The following PTPRD variants were observed in gnomAD, a reference collection of about 807,000 sequenced individuals.
PTPRD encodes the protein receptor-type tyrosine-protein phosphatase delta.
In PTPRD, 34 loss-of-function variants were observed where a neutral mutation model predicts 214.5. The observed-to-expected ratio is 0.16, with a 90% CI of 0.12 to 0.21. The LOEUF is 0.21. PTPRD is among the 10% of genes least tolerant of loss of function. The pLI is 1.00. For synonymous variants in PTPRD, 1,128 were observed against 845.7 expected (o/e 1.33, Z -5.79); for missense variants, 2,545 against 2,398.7 (o/e 1.06, Z -1.27).
intron 5 of PTPRD, among the ~76,000 whole-genome samples, chr9:9,911,057 A>T (rs1478849821): frequency 6.6e-6 from 1 of 151,838 alleles, no homozygotes; most frequent in Non-Finnish European, 1.5e-5. Flanking sequence ...TTGTTCTTCC[A>T]TTTCCAGTCT....
chr9:9,821,648 C>T (rs868162568), intron 5 of PTPRD, among the ~76,000 whole-genome samples: 12 of 151,972 alleles, frequency 7.9e-5, no homozygotes, highest in Non-Finnish European at 1.0e-4. Flanking sequence ...ATTGTTGCCA[C>T]ACGTATTTTT....
intron 12 of PTPRD, among the ~76,000 whole-genome samples, chr9:8,659,529 A>T (rs946448063): frequency 6.6e-6 from 1 of 152,236 alleles, no homozygotes; most frequent in Non-Finnish European, 1.5e-5. Context: ...TATATCTTTG[A>T]AGGTTTCTAT....
At chr9:9,235,115 G>A (rs142477031) in intron 9 of PTPRD, among the ~76,000 whole-genome samples, 26 of 152,268 alleles carry the variant, frequency 1.7e-4, no homozygotes, top group African/African-American at 6.3e-4. Context: ...AATCATGGCA[G>A]AAGTCACCAC....
At chr9:9,194,846 G>A (rs1345003055) in intron 9 of PTPRD, among the ~76,000 whole-genome samples, 3 of 151,984 alleles carry the variant, frequency 2.0e-5, no homozygotes, top group African/African-American at 7.2e-5. Context: ...GAGCATCAAT[G>A]CAGTTGGGTT....
At chr9:9,204,707 T>A (rs564952499) in intron 9 of PTPRD, among the ~76,000 whole-genome samples, 22 of 152,278 alleles carry the variant, frequency 1.4e-4, no homozygotes, top group Admixed American at 5.2e-4. Flanking sequence ...GAAAAGAACA[T>A]AAATAGTGAA....
intron 10 of PTPRD, among the ~76,000 whole-genome samples, chr9:9,148,660 T>C (rs537297521): frequency 1.2e-4 from 18 of 152,228 alleles, no homozygotes; most frequent in African/African-American, 4.3e-4. Context: ...TAAAATATAA[T>C]AGAATAATCC....
chr9:8,732,766 T>C (rs1483418550), intron 12 of PTPRD, among the ~76,000 whole-genome samples: 1 of 152,180 alleles, frequency 6.6e-6, no homozygotes, highest in Admixed American at 6.5e-5. Context: ...AATTGGTGGC[T>C]CGTGAGGGAA....
intron 2 of PTPRD, among the ~76,000 whole-genome samples, chr9:10,550,146 T>C (rs2060988390): frequency 6.6e-6 from 1 of 152,194 alleles, no homozygotes; most frequent in African/African-American, 2.4e-5. Flanking sequence ...CTCCTGACAA[T>C]AACCCATTGC....
chr9:9,754,302 C>A (rs1308235096), intron 6 of PTPRD, among the ~76,000 whole-genome samples: 2 of 152,000 alleles, frequency 1.3e-5, no homozygotes, highest in Non-Finnish European at 2.9e-5. Context: ...TAATGAAGAA[C>A]CTCCCAGGAA....
intron 3 of PTPRD, among the ~76,000 whole-genome samples, chr9:10,196,427 C>T (rs1473180579): frequency 6.6e-6 from 1 of 152,102 alleles, no homozygotes; most frequent in Non-Finnish European, 1.5e-5. Flanking sequence ...TACCATGACT[C>T]TTAAATTACA....
intron 11 of PTPRD, among the ~76,000 whole-genome samples, chr9:8,940,757 A>G (rs912070140): frequency 3.3e-5 from 5 of 151,962 alleles, no homozygotes; most frequent in African/African-American, 1.2e-4. Flanking sequence ...ATTTGACTTC[A>G]CTACCCCTTT....
intron 39 of PTPRD, among the ~76,000 whole-genome samples, chr9:8,358,666 G>A (rs1017883044): frequency 6.6e-6 from 1 of 151,960 alleles, no homozygotes; most frequent in Non-Finnish European, 1.5e-5. Flanking sequence ...ATGAATTGAG[G>A]ACCTAGAATT....
chr9:9,267,101 C>T (rs904283280), intron 9 of PTPRD, among the ~76,000 whole-genome samples: 1 of 151,162 alleles, frequency 6.6e-6, no homozygotes, highest in African/African-American at 2.4e-5. Flanking sequence ...GCTAATTACC[C>T]TGATGGATCA....
chr9:9,509,233 A>G (rs1485078632), intron 8 of PTPRD, among the ~76,000 whole-genome samples: 2 of 151,490 alleles, frequency 1.3e-5, no homozygotes, highest in East Asian at 3.9e-4. Context: ...TAATTATGGG[A>G]AAAAAACCCA....
intron 11 of PTPRD, among the ~76,000 whole-genome samples, chr9:9,007,826 T>C (rs1339515866): frequency 2.0e-5 from 3 of 148,302 alleles, no homozygotes; most frequent in Non-Finnish European, 4.5e-5. Context: ...CATAAATATA[T>C]AATTTTTATT....
At chr9:8,508,891 C>CTG (rs59265464) in intron 21 of PTPRD, among the ~76,000 whole-genome samples, 2,680 of 140,552 alleles carry the variant, frequency 0.019, 30 homozygotes, top group South Asian at 0.053. Flanking sequence ...GTGTGTGTGT[C>CTG]TGTGTGTGTG....
At chr9:9,898,163 T>C (rs1365775583) in intron 5 of PTPRD, among the ~76,000 whole-genome samples, 1 of 152,100 alleles carries the variant, frequency 6.6e-6, no homozygotes, top group Non-Finnish European at 1.5e-5. Context: ...TTTAAATATG[T>C]TTTAGGGATA....
chr9:8,690,351 A>G (rs2097777216), intron 12 of PTPRD, among the ~76,000 whole-genome samples: 1 of 151,480 alleles, frequency 6.6e-6, no homozygotes, highest in African/African-American at 2.4e-5. Flanking sequence ...CGCAGTGAAA[A>G]GCTGTCTCTA....
At chr9:9,900,641 G>GTTTTTTTTTTTGTTTT (rs367877727) in intron 5 of PTPRD, among the ~76,000 whole-genome samples, 3 of 120,086 alleles carry the variant, frequency 2.5e-5, no homozygotes, top group Non-Finnish European at 1.8e-5. Context: ...ACATTTTCAG[G>GTTTTTTTTTTTGTTTT]TTTTTTTTTT....
Sources: allele counts gnomAD v4.1 joint callset (sites outside exome capture counted in the v4.1 genomes callset), GRCh38; gene constraint gnomAD v4.1.1; transcripts MANE v1.5; gene names NCBI Gene and HGNC (gene_info 2026-07-23, HGNC 2026-07-21).